The following MEF2C variants were observed in gnomAD, a reference collection of about 807,000 sequenced individuals.
The protein encoded by MEF2C is myocyte enhancer factor 2C.
In MEF2C, 6 loss-of-function variants were observed where a neutral mutation model predicts 50.5. That is an observed-to-expected ratio of 0.12 (90% CI 0.07 to 0.23). MEF2C has a LOEUF of 0.23. Among genes scored for constraint, MEF2C ranks in the 10% least tolerant of loss-of-function variants. MEF2C has a pLI of 1.00. For synonymous variants in MEF2C, 183 were observed against 228.0 expected (o/e 0.80, Z 1.78); for missense variants, 276 against 605.0 (o/e 0.46, Z 5.70).
At chr5:88,844,624 A>G (rs1224059091) in intron 1 of MEF2C, 1 of 803,054 alleles carries the variant, frequency 1.2e-6, no homozygotes, top group Non-Finnish European at 1.5e-6. Context: ...CACCAAAAAT[A>G]CTAAGTAAAT....
intron 2 of MEF2C, among the ~76,000 whole-genome samples, chr5:88,818,332 G>A (rs898603671): frequency 3.3e-5 from 5 of 151,856 alleles, no homozygotes; most frequent in African/African-American, 9.7e-5. Flanking sequence ...GCATATATAT[G>A]TTACTGTAAA....
At chr5:88,860,598 C>G (rs1452824352) in intron 1 of MEF2C, among the ~76,000 whole-genome samples, 1 of 152,076 alleles carries the variant, frequency 6.6e-6, no homozygotes, top group Non-Finnish European at 1.5e-5. Context: ...TCAGATTCAC[C>G]CAGCAGAGCT....
At chr5:88,745,049 T>C (rs1768734214) in intron 6 of MEF2C, among the ~76,000 whole-genome samples, 1 of 152,234 alleles carries the variant, frequency 6.6e-6, no homozygotes, top group Non-Finnish European at 1.5e-5. Context: ...ATATCTTTTT[T>C]TATTGAAAAT....
intron 3 of MEF2C, among the ~76,000 whole-genome samples, chr5:88,794,235 G>C (rs1795057916): frequency 6.6e-6 from 1 of 152,132 alleles, no homozygotes; most frequent in Non-Finnish European, 1.5e-5. Flanking sequence ...CTTCCACAAT[G>C]GTTGAACTAG....
chr5:88,813,595 C>T (rs750478644), intron 2 of MEF2C, among the ~76,000 whole-genome samples: 2 of 152,018 alleles, frequency 1.3e-5, no homozygotes, highest in Non-Finnish European at 2.9e-5. Context: ...CTACTCACAT[C>T]TATAATAATA....
intron 2 of MEF2C, 49 bp downstream of exon 2, chr5:88,823,686 G>T (rs1013617966): frequency 1.3e-6 from 2 of 1,501,382 alleles, no homozygotes; most frequent in Non-Finnish European, 1.8e-6. Context: ...CATATGTGGA[G>T]AAAATATAAT....
intron 3 of MEF2C, among the ~76,000 whole-genome samples, chr5:88,775,546 C>T (rs1352661095): frequency 6.6e-6 from 1 of 152,068 alleles, no homozygotes; most frequent in Admixed American, 6.5e-5. Flanking sequence ...GACTAAGTTA[C>T]TTTATTATCA....
intron 1 of MEF2C, among the ~76,000 whole-genome samples, chr5:88,848,377 T>C (rs969885328): frequency 6.6e-6 from 1 of 152,238 alleles, no homozygotes; most frequent in Admixed American, 6.5e-5. Flanking sequence ...TTTTATAGAA[T>C]ATTGGGTAAT....
chr5:88,730,039 AC>A (rs1278451764), intron 8 of MEF2C, among the ~76,000 whole-genome samples, 171 bp downstream of exon 8: 9 of 149,746 alleles, frequency 6.0e-5, no homozygotes, highest in African/African-American at 2.2e-4. Context: ...AAAAAAAAAA[AC>A]CTGACATTCT....
chr5:88,783,774 T>C (rs1789431456), intron 3 of MEF2C, among the ~76,000 whole-genome samples: 2 of 152,242 alleles, frequency 1.3e-5, no homozygotes, highest in South Asian at 4.1e-4. Context: ...CCCATAGTTC[T>C]CATTACGTTG....
intron 1 of MEF2C, among the ~76,000 whole-genome samples, chr5:88,870,011 A>G (rs1829025575): frequency 6.6e-6 from 1 of 151,696 alleles, no homozygotes; most frequent in Non-Finnish European, 1.5e-5. Context: ...ATTCTATTAC[A>G]ATACATTTTT....
chr5:88,895,660 T>C (rs868000120), intron 1 of MEF2C, among the ~76,000 whole-genome samples: 1 of 152,164 alleles, frequency 6.6e-6, no homozygotes. Flanking sequence ...TATACTCACC[T>C]TCAGCAGGCC....
rs2152225363 is a variant in MEF2C, at chr5:88,729,329, A to G, written c.853T>C (p.Ser285Pro). 1 of 1,611,094 alleles carries G rather than the reference A, an allele frequency of 6.2e-7. No homozygotes were observed. The highest frequency in any genetic ancestry group is 8.5e-7 in the Non-Finnish European group (1 of 1,178,236). The change falls in exon 9 of 11, where the codon TCC becomes CCC. Residue 285 changes from serine to proline, a missense_variant. By Grantham distance (74) the Ser-to-Pro change is moderately conservative. Coordinates refer to ENST00000504921, the MANE Select transcript of MEF2C (RefSeq NM_002397.5). ...DLLLNQRINN[S>P]QSAQSLATPV... Reference sequence around the variant, plus strand: ...GTAGCCAATGACTGAGCCGACTGGGAGTTATTTATCCTTTGATTCTTTTAA... The same window carrying G: ...GTAGCCAATGACTGAGCCGACTGGGGGTTATTTATCCTTTGATTCTTTTAA...
chr5:88,873,696 A>C (rs1277756706), intron 1 of MEF2C, among the ~76,000 whole-genome samples: 2 of 141,300 alleles, frequency 1.4e-5, no homozygotes, highest in Non-Finnish European at 3.0e-5. Flanking sequence ...AAATCTATCA[A>C]TGTCGTCACG....
intron 1 of MEF2C, chr5:88,825,667 G>A (rs1226516225): frequency 1.1e-5 from 11 of 980,848 alleles, no homozygotes; most frequent in South Asian, 4.7e-5. Flanking sequence ...TTTAGAAAAC[G>A]TCTTAAATGT....
chr5:88,727,673 ATAT>A (rs1444839988), intron 10 of MEF2C, among the ~76,000 whole-genome samples: 2 of 152,150 alleles, frequency 1.3e-5, no homozygotes, highest in Non-Finnish European at 2.9e-5. Flanking sequence ...TTATCTTTAA[ATAT>A]TTTATATCCT....
intron 4 of MEF2C, among the ~76,000 whole-genome samples, chr5:88,753,514 G>C (rs1412481499): frequency 6.6e-6 from 1 of 152,100 alleles, no homozygotes; most frequent in African/African-American, 2.4e-5. Context: ...TGCTGCCTCT[G>C]CCTCCCAAGC....
At chr5:88,762,163 T>G (rs182379579) in intron 3 of MEF2C, among the ~76,000 whole-genome samples, 1 of 152,334 alleles carries the variant, frequency 6.6e-6, no homozygotes, top group African/African-American at 2.4e-5. Flanking sequence ...CAGTGCCTCA[T>G]CTTGAACCTC....
rs1755808725 is a variant in MEF2C at position 88,720,161 on chromosome 5, G to A, written c.*2443C>T. On this transcript the variant is annotated 3_prime_UTR_variant, in exon 11 of 11. Coordinates refer to ENST00000504921, the MANE Select transcript of MEF2C (RefSeq NM_002397.5). ...TCAAGTTAGAAGGATGGGTTGTAAGGATGGGATCAAGTCTATGGTGAGGAA... is the reference window on the plus strand; with the variant it reads ...TCAAGTTAGAAGGATGGGTTGTAAGAATGGGATCAAGTCTATGGTGAGGAA... 6.6e-6 allele frequency: 1 copy of A among 152,062 alleles called. No individual in the cohort carries two copies. The highest frequency in any genetic ancestry group is 1.5e-5 in the Non-Finnish European group (1 of 67,962). 9.4% of individuals were successfully genotyped at this position (152,062 alleles called of 1,614,324 possible).
Sources: allele counts gnomAD v4.1 joint callset (sites outside exome capture counted in the v4.1 genomes callset), GRCh38; gene constraint gnomAD v4.1.1; transcripts MANE v1.5; gene names NCBI Gene and HGNC (gene_info 2026-07-23, HGNC 2026-07-21).